Variants in ZFPM2 observed in about 807,000 individuals in gnomAD.
ZFPM2 encodes zinc finger protein, FOG family member 2.
In ZFPM2, 20 loss-of-function variants were observed where a neutral mutation model predicts 98.6. The observed-to-expected ratio is 0.20, with a 90% CI of 0.14 to 0.29. The LOEUF (loss-of-function observed/expected upper bound fraction) is 0.29. Among genes scored for constraint, ZFPM2 ranks in the 10% least tolerant of loss-of-function variants. The probability of loss-of-function intolerance (pLI) is 1.00; values close to 1 mark genes in which losing one functional copy is unlikely to be tolerated. For synonymous variants in ZFPM2, 518 were observed against 502.7 expected (o/e 1.03, Z -0.41); for missense variants, 1,310 against 1,388.6 (o/e 0.94, Z 0.90).
At chr8:105,418,953 G>A (rs1031786341) in intron 1 of ZFPM2, 191 bp from the exon 2 acceptor site, 2 of 622,986 alleles carry the variant, frequency 3.2e-6, no homozygotes, top group East Asian at 2.8e-5. Flanking sequence ...GGTTTCCTTG[G>A]ATCTTTCATC....
chr8:105,561,230 T>A, intron 3 of ZFPM2, 133 bp from the exon 4 acceptor site: 1 of 716,776 alleles, frequency 1.4e-6, no homozygotes, highest in Non-Finnish European at 2.4e-6. Flanking sequence ...GAGTTGTTTT[T>A]CAGACAAGCA....
intron 3 of ZFPM2, among the ~76,000 whole-genome samples, chr8:105,453,472 T>G (rs1171095007): frequency 6.6e-6 from 1 of 152,162 alleles, no homozygotes; most frequent in Admixed American, 6.5e-5. Context: ...TATTTTTATT[T>G]TTTATACTTT....
chr8:105,767,333 C>T (rs1812876699), intron 5 of ZFPM2, among the ~76,000 whole-genome samples: 1 of 151,750 alleles, frequency 6.6e-6, no homozygotes, highest in Non-Finnish European at 1.5e-5. Flanking sequence ...AAAGAGAATG[C>T]CATTGTAGAA....
At chr8:105,776,684 A>T (rs1435867542) in intron 5 of ZFPM2, among the ~76,000 whole-genome samples, 5 of 152,214 alleles carry the variant, frequency 3.3e-5, no homozygotes, top group Admixed American at 1.3e-4. Flanking sequence ...ATAAGTAATC[A>T]TATACCGTAG....
At chr8:105,736,441 A>G (rs1440741368) in intron 5 of ZFPM2, among the ~76,000 whole-genome samples, 1 of 152,002 alleles carries the variant, frequency 6.6e-6, no homozygotes, top group Non-Finnish European at 1.5e-5. Flanking sequence ...CCAGTGTGGC[A>G]TCCTTTGAGA....
At chr8:105,668,671 C>T (rs1746628499) in intron 5 of ZFPM2, among the ~76,000 whole-genome samples, 3 of 152,116 alleles carry the variant, frequency 2.0e-5, no homozygotes, top group Non-Finnish European at 4.4e-5. Flanking sequence ...GTTCACCAAA[C>T]CTGTTAACTT....
intron 3 of ZFPM2, among the ~76,000 whole-genome samples, chr8:105,545,088 T>A: frequency 6.6e-6 from 1 of 152,202 alleles, no homozygotes; most frequent in South Asian, 2.1e-4. Context: ...AAAATCATGA[T>A]GATGATGATG....
At chr8:105,462,287 A>G (rs1812718001) in intron 3 of ZFPM2, among the ~76,000 whole-genome samples, 1 of 152,078 alleles carries the variant, frequency 6.6e-6, no homozygotes, top group Non-Finnish European at 1.5e-5. Flanking sequence ...TCCAGTCCCA[A>G]TATGCAATCC....
intron 1 of ZFPM2, among the ~76,000 whole-genome samples, chr8:105,385,024 A>T (rs1452158476): frequency 6.6e-6 from 1 of 152,114 alleles, no homozygotes; most frequent in African/African-American, 2.4e-5. Flanking sequence ...TTAAACTGAG[A>T]CCTAGAGAGG....
intron 4 of ZFPM2, among the ~76,000 whole-genome samples, chr8:105,609,380 G>A (rs1251843358): frequency 6.6e-6 from 1 of 152,114 alleles, no homozygotes; most frequent in African/African-American, 2.4e-5. Flanking sequence ...AGGACAAGTG[G>A]AAACTTATCA....
intron 5 of ZFPM2, among the ~76,000 whole-genome samples, chr8:105,731,975 T>G (rs1256634766): frequency 6.6e-6 from 1 of 151,760 alleles, no homozygotes; most frequent in East Asian, 1.9e-4. Context: ...ATTGTGACCT[T>G]TTACTAATAA....
At chr8:105,724,333 A>G (rs1157536850) in intron 5 of ZFPM2, among the ~76,000 whole-genome samples, 2 of 151,834 alleles carry the variant, frequency 1.3e-5, no homozygotes, top group Admixed American at 6.6e-5. Context: ...ACCCTGATCT[A>G]TGATATATAT....
chr8:105,768,539 A>G (rs2131085937), intron 5 of ZFPM2, among the ~76,000 whole-genome samples: 1 of 152,074 alleles, frequency 6.6e-6, no homozygotes, highest in South Asian at 2.1e-4. Context: ...GTTTACAGTT[A>G]TGAGAGTCTT....
intron 1 of ZFPM2, among the ~76,000 whole-genome samples, chr8:105,392,093 T>C (rs1051792214): frequency 1.3e-5 from 2 of 152,176 alleles, no homozygotes; most frequent in African/African-American, 4.8e-5. Flanking sequence ...GAAAACAATA[T>C]AGGTTTCCTT....
rs532311320 is a variant in ZFPM2, at chr8:105,422,314, G to A, written c.199+3012G>A. Among the ~76,000 whole-genome samples, 5 of 152,146 alleles carry A rather than the reference G, an allele frequency of 3.3e-5. No individual in the cohort carries two copies. In the East Asian group the frequency reaches 9.7e-4, roughly 30 times the overall value. ...TAACTGGGTGTGGTGGTGGGTGCCT[G>A]TAGTCCCAGCTACTCGGGAGGCTGA... On this transcript the variant is annotated intron_variant, in intron 2 of 7. Transcript: ENST00000407775.
chr8:105,443,312 C>CAAAAAAAAAAAAAAAAAAAAAAAAA (rs1491232192), intron 2 of ZFPM2, among the ~76,000 whole-genome samples: 1 of 115,366 alleles, frequency 8.7e-6, no homozygotes, highest in Non-Finnish European at 1.6e-5. Flanking sequence ...GACTCCTTCT[C>CAAAAAAAAAAAAAAAAAAAAAAAAA]AAAAAACAAA....
intron 4 of ZFPM2, among the ~76,000 whole-genome samples, chr8:105,590,091 C>A (rs1252871634): frequency 6.6e-6 from 1 of 152,102 alleles, no homozygotes; most frequent in Non-Finnish European, 1.5e-5. Context: ...TTTGAATTAG[C>A]CTCTGAATGG....
chr8:105,573,622 G>A (rs1485498344), intron 4 of ZFPM2, among the ~76,000 whole-genome samples: 3 of 152,116 alleles, frequency 2.0e-5, no homozygotes, highest in African/African-American at 7.2e-5. Flanking sequence ...GTGATCAGTG[G>A]CTTCCTGATT....
intron 4 of ZFPM2, among the ~76,000 whole-genome samples, chr8:105,562,851 A>T (rs1183419807): frequency 6.6e-6 from 1 of 152,212 alleles, no homozygotes; most frequent in African/African-American, 2.4e-5. Context: ...ATGCAAAGGA[A>T]TGTTCGCAAG....
Sources: gnomAD v4.1 joint callset for allele counts (sites outside exome capture counted in the v4.1 genomes callset) on GRCh38, gnomAD v4.1.1 for gene constraint, MANE v1.5 for transcripts, NCBI Gene and HGNC (gene_info 2026-07-23, HGNC 2026-07-21) for gene names.